The following ZBTB20 variants were observed in gnomAD, a reference collection of about 807,000 sequenced individuals.
ZBTB20 encodes zinc finger and BTB domain-containing protein 20.
In ZBTB20, 9 loss-of-function variants were observed where a neutral mutation model predicts 56.9. The ratio of observed to expected loss-of-function variants is 0.16; its 90% CI spans 0.10 to 0.28. The LOEUF (loss-of-function observed/expected upper bound fraction) is 0.28. Ranked by LOEUF, ZBTB20 falls within the 10% of genes least tolerant of loss-of-function variation. The probability of loss-of-function intolerance (pLI) is 1.00; values close to 1 mark genes in which losing one functional copy is unlikely to be tolerated. For missense variants in ZBTB20, 655 were observed against 1,003.0 expected (o/e 0.65, Z 4.69); for synonymous variants, 417 against 420.7 (o/e 0.99, Z 0.11).
At chr3:114,372,149 G>T (rs2083092736) in intron 10 of ZBTB20, among the ~76,000 whole-genome samples, 1 of 152,212 alleles carries the variant, frequency 6.6e-6, no homozygotes, top group Non-Finnish European at 1.5e-5. Context: ...AGTCTTGACA[G>T]ATATGGAGAA....
intron 5 of ZBTB20, among the ~76,000 whole-genome samples, chr3:114,729,956 ATT>A (rs1229757252): frequency 7.5e-5 from 9 of 119,434 alleles, no homozygotes; most frequent in Admixed American, 8.9e-5. Context: ...CATCCGGCTA[ATT>A]TTTTTTTTTT....
intron 4 of ZBTB20, among the ~76,000 whole-genome samples, chr3:114,844,552 A>AAAAAAAAAAT (rs1560313408): frequency 7.1e-6 from 1 of 140,832 alleles, no homozygotes; most frequent in Non-Finnish European, 1.5e-5. Context: ...AAAAAAAAAA[A>AAAAAAAAAAT]CTTTCATTTC....
At chr3:114,910,232 G>T (rs1481367571) in intron 3 of ZBTB20, among the ~76,000 whole-genome samples, 1 of 151,562 alleles carries the variant, frequency 6.6e-6, no homozygotes, top group Non-Finnish European at 1.5e-5. Flanking sequence ...TAGAAACTCT[G>T]ATTCGACAAT....
intron 6 of ZBTB20, among the ~76,000 whole-genome samples, chr3:114,543,270 T>C (rs927151127): frequency 6.6e-6 from 1 of 152,170 alleles, no homozygotes; most frequent in African/African-American, 2.4e-5. Flanking sequence ...TTTTTATTGT[T>C]TTTTTTCCAA....
intron 7 of ZBTB20, among the ~76,000 whole-genome samples, chr3:114,420,415 G>C (rs1036519207): frequency 3.9e-5 from 6 of 152,152 alleles, no homozygotes; most frequent in African/African-American, 1.4e-4. Context: ...GGCAGTCTGG[G>C]TTGGAATTAT....
rs2047028971 is a variant in ZBTB20, at chr3:114,524,815, A to G, written c.-294-24424T>C. Among the ~76,000 whole-genome samples the G allele has an allele frequency of 4.6e-5, 7 of 152,196 alleles. No homozygotes were observed. In the South Asian group the frequency reaches 1.5e-3, roughly 32 times the overall value. On this transcript the variant is annotated intron_variant, in intron 6 of 11. Transcript: ENST00000675478. ...CTACAACTTCCGCCTCTCAGGTTCA[A>G]GCGATTCCCCTGCCGCGGTCTCTTG...
intron 5 of ZBTB20, among the ~76,000 whole-genome samples, chr3:114,778,854 C>T (rs1002423852): frequency 6.6e-6 from 1 of 151,944 alleles, no homozygotes; most frequent in South Asian, 2.1e-4. Flanking sequence ...GTTTTCAAAA[C>T]AAGAAGAACA....
intron 4 of ZBTB20, among the ~76,000 whole-genome samples, chr3:114,896,768 G>T (rs1487423022): frequency 3.3e-5 from 5 of 152,068 alleles, no homozygotes. Flanking sequence ...TAAACTTCAT[G>T]TTGTGTGTAT....
chr3:114,324,115 G>T lies in ZBTB20; in HGVS notation c.*14890C>A, dbSNP rs1010214969. 5 of 152,124 alleles carry T rather than the reference G, an allele frequency of 3.3e-5. No individual in the cohort carries two copies. Among genetic ancestry groups the T allele is most frequent in the Admixed American group, 6.5e-5 (1 of 15,274 alleles). 9.4% of individuals were successfully genotyped at this position (152,124 alleles called of 1,614,324 possible). A position where few individuals can be genotyped will look rare whatever the true frequency, so the allele number is the denominator to read the frequency against. ...CAGCTCAAAGTAGAGAAACTAGCAT[G>T]CACCTATGTATTTTCTGTAAAACAT... On this transcript the variant is annotated 3_prime_UTR_variant, in exon 12 of 12. Transcript: ENST00000675478.
intron 3 of ZBTB20, among the ~76,000 whole-genome samples, chr3:114,964,368 T>C (rs1333734395): frequency 1.3e-5 from 2 of 152,074 alleles, no homozygotes; most frequent in Non-Finnish European, 2.9e-5. Context: ...TGAGCCAAGA[T>C]TGGGCCACTG....
chr3:114,457,192 T>C (rs1299037411), intron 7 of ZBTB20, among the ~76,000 whole-genome samples: 1 of 152,140 alleles, frequency 6.6e-6, no homozygotes, highest in East Asian at 1.9e-4. Flanking sequence ...AACAAGAGCT[T>C]TGGAGCAAAC....
At chr3:114,792,746 C>G (rs1578890670) in intron 5 of ZBTB20, among the ~76,000 whole-genome samples, 1 of 152,276 alleles carries the variant, frequency 6.6e-6, no homozygotes, top group South Asian at 2.1e-4. Flanking sequence ...AATGTTTCAA[C>G]CCCCGTCCAT....
intron 1 of ZBTB20, among the ~76,000 whole-genome samples, chr3:115,113,273 T>A (rs2108630808): frequency 6.6e-6 from 1 of 152,376 alleles, no homozygotes; most frequent in Non-Finnish European, 1.5e-5. Flanking sequence ...AACAATGACA[T>A]CCTACAGCAG....
intron 2 of ZBTB20, among the ~76,000 whole-genome samples, chr3:115,053,473 A>G (rs1249331088): frequency 3.3e-5 from 5 of 152,294 alleles, no homozygotes; most frequent in African/African-American, 4.8e-5. Context: ...CATAACTCCA[A>G]TCTCACTCAG....
intron 7 of ZBTB20, among the ~76,000 whole-genome samples, chr3:114,465,688 C>G (rs1335105409): frequency 2.0e-5 from 3 of 149,424 alleles, no homozygotes; most frequent in Admixed American, 6.7e-5. Context: ...GCCTGAGTGA[C>G]AGAGTGAGAT....
chr3:114,737,376 A>G (rs1176616882), intron 5 of ZBTB20, among the ~76,000 whole-genome samples: 1 of 152,170 alleles, frequency 6.6e-6, no homozygotes, highest in African/African-American at 2.4e-5. Flanking sequence ...AACTAAAAAC[A>G]AAAATACTGC....
At chr3:114,544,407 TTCTTTCTTTCTTTCTTTCTTTC>T (rs2049485811) in intron 6 of ZBTB20, among the ~76,000 whole-genome samples, 1 of 2,248 alleles carries the variant, frequency 4.4e-4, no homozygotes. Context: ...ACTAGATTTC[TTCTTTCTTTCTTTCTTTCTTTC>T]TTTCTTTCTT....
intron 2 of ZBTB20, among the ~76,000 whole-genome samples, chr3:115,006,320 C>A (rs989862354): frequency 6.6e-6 from 1 of 151,712 alleles, no homozygotes; most frequent in Non-Finnish European, 1.5e-5. Flanking sequence ...CAGGAATATT[C>A]TATTTTATTT....
At chr3:114,658,076 A>G (rs1412814224) in intron 6 of ZBTB20, among the ~76,000 whole-genome samples, 2 of 152,218 alleles carry the variant, frequency 1.3e-5, no homozygotes, top group African/African-American at 4.8e-5. Flanking sequence ...AAAATCACTC[A>G]TAGTGCCCTA....
Sources: gnomAD v4.1 joint callset for allele counts (sites outside exome capture counted in the v4.1 genomes callset) on GRCh38, gnomAD v4.1.1 for gene constraint, MANE v1.5 for transcripts, NCBI Gene and HGNC (gene_info 2026-07-23, HGNC 2026-07-21) for gene names.